Variants in RBFOX1 observed in about 807,000 individuals in gnomAD.
The protein encoded by RBFOX1 is RNA binding protein fox-1 homolog 1.
In RBFOX1, 8 loss-of-function variants were observed where a neutral mutation model predicts 57.7. That is an observed-to-expected ratio of 0.14 (90% CI 0.08 to 0.25). The LOEUF is 0.25. Ranked by LOEUF, RBFOX1 falls within the 10% of genes least tolerant of loss-of-function variation. The pLI, the probability that RBFOX1 is intolerant of heterozygous loss-of-function variation, is 1.00. For synonymous variants in RBFOX1, 326 were observed against 222.4 expected (o/e 1.47, Z -4.15); for missense variants, 611 against 548.5 (o/e 1.11, Z -1.14).
intron 3 of RBFOX1, among the ~76,000 whole-genome samples, chr16:6,772,245 T>A (rs542861148): frequency 6.6e-6 from 1 of 152,094 alleles, no homozygotes; most frequent in Non-Finnish European, 1.5e-5. Context: ...AATATCATAT[T>A]TTATATACAA....
chr16:5,964,397 A>G (rs1447308312), intron 4 of RBFOX1, among the ~76,000 whole-genome samples: 1 of 152,228 alleles, frequency 6.6e-6, no homozygotes, highest in African/African-American at 2.4e-5. Flanking sequence ...ACTTCTGGGT[A>G]TAAATCCAAA....
At chr16:7,064,360 G>A (rs928113840) in intron 4 of RBFOX1, among the ~76,000 whole-genome samples, 2 of 151,950 alleles carry the variant, frequency 1.3e-5, no homozygotes, top group Admixed American at 1.3e-4. Flanking sequence ...GTAGAGATGG[G>A]GTTTCACCAT....
At chr16:7,017,162 A>T (rs904744480) in intron 3 of RBFOX1, among the ~76,000 whole-genome samples, 7 of 152,296 alleles carry the variant, frequency 4.6e-5, no homozygotes, top group African/African-American at 7.2e-5. Flanking sequence ...GTGCAAACAG[A>T]GTCGCGGCCA....
At chr16:7,504,874 G>A (rs2072690773) in intron 4 of RBFOX1, among the ~76,000 whole-genome samples, 1 of 141,802 alleles carries the variant, frequency 7.1e-6, no homozygotes, top group African/African-American at 2.8e-5. Context: ...AGCTGTTCTG[G>A]CTGTTAGTTT....
Position 5,316,028 on chromosome 16 carries a change from G to A in RBFOX1, c.219+75923G>A, listed in dbSNP as rs144680606. Reference sequence around the variant, plus strand: ...CCTCCCACTACCAGAGACCTCCCCCGCCCTACTCCTCTCCTTGCTGTCTCT... The same window carrying A: ...CCTCCCACTACCAGAGACCTCCCCCACCCTACTCCTCTCCTTGCTGTCTCT... On this transcript the variant is annotated intron_variant, in intron 1 of 2. Coordinates refer to the RBFOX1 transcript ENST00000585867. Among the ~76,000 whole-genome samples, 114 of 152,078 alleles carry A rather than the reference G, an allele frequency of 7.5e-4. 4 individuals are homozygous for A. In the South Asian group the frequency reaches 0.012, roughly 16 times the overall value.
chr16:5,727,862 G>GT (rs200611714), intron 3 of RBFOX1, among the ~76,000 whole-genome samples: 3 of 151,960 alleles, frequency 2.0e-5, no homozygotes, highest in East Asian at 1.9e-4. Context: ...AATATTTCAG[G>GT]TTTTTTTTGT....
chr16:5,942,814 A>G (rs1454414169), intron 4 of RBFOX1, among the ~76,000 whole-genome samples: 1 of 152,178 alleles, frequency 6.6e-6, no homozygotes, highest in Non-Finnish European at 1.5e-5. Context: ...TACTTTTTGC[A>G]AAGGCACTTT....
intron 4 of RBFOX1, among the ~76,000 whole-genome samples, chr16:5,883,417 C>T (rs536325006): frequency 6.6e-6 from 1 of 152,256 alleles, no homozygotes; most frequent in African/African-American, 2.4e-5. Flanking sequence ...TGAAACAAAG[C>T]TACTTGGTAA....
chr16:7,146,975 C>CT lies in RBFOX1; in HGVS notation c.27+94899dup, dbSNP rs1187614171. ...AAATAATGATAAAAAAGAACAACGA[C>CT]TTTTTTTTTTTTTTTTTTTTTTGAG... On this transcript the variant is annotated intron_variant, in intron 4 of 15. Coordinates refer to ENST00000550418, the MANE Select transcript of RBFOX1 (RefSeq NM_018723.4). Among the ~76,000 whole-genome samples, 170 of 25,752 alleles carry CT rather than the reference C, an allele frequency of 6.6e-3. 14 individuals are homozygous for CT. Among genetic ancestry groups the CT allele is most frequent in the Middle Eastern group, 0.056 (2 of 36 alleles). The allele number at this position is 25,752 out of a possible 152,430, so 16.9% of individuals were successfully genotyped here.
intron 2 of RBFOX1, among the ~76,000 whole-genome samples, chr16:5,478,163 C>T (rs1201435714): frequency 6.6e-6 from 1 of 152,162 alleles, no homozygotes; most frequent in African/African-American, 2.4e-5. Context: ...CCTTGGGGCT[C>T]AGCTTGGCGG....
At chr16:6,690,730 A>G (rs1324901363) in intron 3 of RBFOX1, among the ~76,000 whole-genome samples, 1 of 148,594 alleles carries the variant, frequency 6.7e-6, no homozygotes, top group East Asian at 2.0e-4. Context: ...GGATATTTCA[A>G]GTTCGGTTTG....
intron 4 of RBFOX1, among the ~76,000 whole-genome samples, chr16:7,233,778 T>C (rs542177454): frequency 5.9e-5 from 9 of 152,326 alleles, no homozygotes; most frequent in African/African-American, 2.2e-4. Flanking sequence ...ATGGCAGTTT[T>C]CTCTTCAAAT....
intron 4 of RBFOX1, among the ~76,000 whole-genome samples, chr16:5,888,468 A>G (rs971623330): frequency 1.3e-5 from 2 of 152,224 alleles, no homozygotes; most frequent in East Asian, 1.9e-4. Flanking sequence ...CCAGCCTCCA[A>G]TACTGAAACC....
intron 2 of RBFOX1, among the ~76,000 whole-genome samples, chr16:6,442,327 G>A (rs142839756): frequency 0.019 from 2,939 of 152,282 alleles, 89 homozygotes; most frequent in African/African-American, 0.066. Flanking sequence ...GGAGGCCAAG[G>A]TGGGTGGATC....
intron 4 of RBFOX1, among the ~76,000 whole-genome samples, chr16:7,395,660 T>TA (rs1442759188): frequency 6.6e-6 from 1 of 152,168 alleles, no homozygotes; most frequent in African/African-American, 2.4e-5. Context: ...ATGGAAGACT[T>TA]ATGCAGTACA....
intron 4 of RBFOX1, among the ~76,000 whole-genome samples, chr16:7,406,549 A>C (rs1271727552): frequency 6.6e-6 from 1 of 152,210 alleles, no homozygotes; most frequent in African/African-American, 2.4e-5. Flanking sequence ...AGTGATGCAA[A>C]AACATTTAGA....
At chr16:7,217,046 TCCCTCC>T (rs2092212752) in intron 4 of RBFOX1, among the ~76,000 whole-genome samples, 1 of 62,944 alleles carries the variant, frequency 1.6e-5, no homozygotes, top group Admixed American at 2.3e-4. Flanking sequence ...CCTCCCTCCC[TCCCTCC>T]CTCTCTCTCC....
chr16:7,522,577 G>C (rs1371843030), intron 5 of RBFOX1, among the ~76,000 whole-genome samples: 2 of 152,160 alleles, frequency 1.3e-5, no homozygotes, highest in East Asian at 1.9e-4. Context: ...TAAATATTTG[G>C]AGTGATGAGG....
intron 1 of RBFOX1, among the ~76,000 whole-genome samples, chr16:6,308,233 T>G (rs2079774307): frequency 6.6e-6 from 1 of 152,198 alleles, no homozygotes; most frequent in African/African-American, 2.4e-5. Flanking sequence ...TATTTGCACA[T>G]CCTATAAATG....
Sources: allele counts gnomAD v4.1 joint callset (sites outside exome capture counted in the v4.1 genomes callset), GRCh38; gene constraint gnomAD v4.1.1; transcripts MANE v1.5; gene names NCBI Gene and HGNC (gene_info 2026-07-23, HGNC 2026-07-21).